Variants in ZAP70 observed in about 807,000 individuals in gnomAD.
The protein encoded by ZAP70 is zeta chain of T cell receptor associated protein kinase 70, also known as tyrosine-protein kinase ZAP-70.
A neutral mutation model predicts 65.8 loss-of-function variants in ZAP70; 27 were observed. The observed-to-expected ratio is 0.41, with a 90% CI of 0.30 to 0.57. ZAP70 has a LOEUF of 0.57. ZAP70 is among the 20% of genes least tolerant of loss of function. The pLI, the probability that ZAP70 is intolerant of heterozygous loss-of-function variation, is 0.28. For missense variants in ZAP70, 696 were observed against 870.5 expected, an observed-to-expected ratio of 0.80 and a Z score of 2.52; for synonymous variants, 363 against 360.8, an observed-to-expected ratio of 1.01 and a Z score of -0.07.
the ZAP70 span, among the ~76,000 whole-genome samples, chr2:97,749,410 T>A: frequency 6.6e-6 from 1 of 152,106 alleles, no homozygotes; most frequent in East Asian, 1.9e-4. Flanking sequence ...AAAAGGACGT[T>A]TATAGAGCAG....
chr2:97,732,404 G>C (rs1677645570), intron 4 of ZAP70, among the ~76,000 whole-genome samples: 1 of 152,134 alleles, frequency 6.6e-6, no homozygotes, highest in Non-Finnish European at 1.5e-5. Flanking sequence ...GAAGGCTCTG[G>C]GTCTGTTGTA....
Position 97,731,815 on chromosome 2 carries a change from C to T in ZAP70, c.564-1068C>T, listed in dbSNP as rs1423950742. 3.9e-5 allele frequency among the ~76,000 whole-genome samples: 6 copies of T among 152,206 alleles called. No homozygotes were observed. Among genetic ancestry groups the T allele is most frequent in the East Asian group, 1.9e-4 (1 of 5,200 alleles). Reference sequence around the variant, plus strand: ...AATTTGCACCTTGGAGGGTGCAGCTCGCAGGCCATCACAAGGGCTCTTCTG... The same window carrying T: ...AATTTGCACCTTGGAGGGTGCAGCTTGCAGGCCATCACAAGGGCTCTTCTG... On this transcript the variant is annotated intron_variant, in intron 4 of 13. Transcript: ENST00000264972. The surrounding 1 kb of genome is among the most constrained non-coding windows in gnomAD (Gnocchi z 4.0).
the ZAP70 span, among the ~76,000 whole-genome samples, chr2:97,747,815 G>GT: frequency 0.07 from 3,801 of 54,392 alleles, 472 homozygotes; most frequent in African/African-American, 0.088. Flanking sequence ...CTGGCACGAG[G>GT]TTTTTTTTTT....
the ZAP70 span, among the ~76,000 whole-genome samples, chr2:97,753,221 T>C: frequency 1.3e-5 from 2 of 152,218 alleles, no homozygotes; most frequent in African/African-American, 4.8e-5. Flanking sequence ...AAAAAACTCA[T>C]GGGCAGCAGG....
At chr2:97,748,966 GT>G in the ZAP70 span, among the ~76,000 whole-genome samples, 3 of 148,430 alleles carry the variant, frequency 2.0e-5, no homozygotes, top group Non-Finnish European at 4.5e-5. Context: ...GAGTGCGTTT[GT>G]AGAGGGAGTA....
At chr2:97,747,359 T>C in the ZAP70 span, among the ~76,000 whole-genome samples, 1 of 152,318 alleles carries the variant, frequency 6.6e-6, no homozygotes, top group East Asian at 1.9e-4. Context: ...GGTATATACA[T>C]ACACGGAAGC....
At chr2:97,733,620 G>C (rs201824457) in intron 8 of ZAP70, 25 bp downstream of exon 8, 11 of 1,613,336 alleles carry the variant, frequency 6.8e-6, no homozygotes, top group Non-Finnish European at 8.5e-6. Context: ...GTGGGGACGC[G>C]GGTTGGGGCT....
rs902288190 is a variant in ZAP70 at position 97,731,872 on chromosome 2, G to A, written c.564-1011G>A. Among the ~76,000 whole-genome samples the A allele has an allele frequency of 2.0e-5, 3 of 152,080 alleles. No individual in the cohort carries two copies. Among genetic ancestry groups the A allele is most frequent in the Non-Finnish European group, 1.5e-5 (1 of 68,020 alleles). ...AGTGCAATCCCTGAGATCAGGAGTC[G>A]GCTGCTTCCGGCCTCCACAGCTTCC... On this transcript the variant is annotated intron_variant, in intron 4 of 13. Coordinates refer to ENST00000264972, the MANE Select transcript of ZAP70 (RefSeq NM_001079.4). The surrounding 1 kb of genome is among the most constrained non-coding windows in gnomAD (Gnocchi z 4.0).
chr2:97,751,795 C>T, the ZAP70 span, among the ~76,000 whole-genome samples: 1 of 152,168 alleles, frequency 6.6e-6, no homozygotes, highest in Non-Finnish European at 1.5e-5. Context: ...GCAGACCACA[C>T]GGTGAGAAAG....
At chr2:97,730,822 G>A (rs572719833) in intron 4 of ZAP70, among the ~76,000 whole-genome samples, 5 of 152,236 alleles carry the variant, frequency 3.3e-5, no homozygotes, top group South Asian at 4.2e-4. Flanking sequence ...TTGGGAGGCC[G>A]AGGCAGGTGG....
intron 2 of ZAP70, among the ~76,000 whole-genome samples, chr2:97,716,223 A>G (rs1676908171): frequency 6.6e-6 from 1 of 152,120 alleles, no homozygotes; most frequent in Non-Finnish European, 1.5e-5. Flanking sequence ...CCTCCACCCA[A>G]GGAAGCCCCT....
intron 2 of ZAP70, among the ~76,000 whole-genome samples, chr2:97,719,494 A>C (rs1042870595): frequency 6.7e-6 from 1 of 148,620 alleles, no homozygotes; most frequent in Non-Finnish European, 1.5e-5. Context: ...AGGAGGTCAC[A>C]GAGTGCTTGT....
At chr2:97,755,736 T>TGTC in the ZAP70 span, among the ~76,000 whole-genome samples, 3 of 152,220 alleles carry the variant, frequency 2.0e-5, no homozygotes, top group Admixed American at 6.5e-5. Flanking sequence ...GTGCCCCTGC[T>TGTC]GTCTTCCCTC....
chr2:97,735,473 C>A lies in ZAP70; in HGVS notation c.1289+17C>A, dbSNP rs200277370. The A allele has an allele frequency of 6.2e-7, 1 of 1,601,514 alleles. No individual in the cohort carries two copies. The highest frequency in any genetic ancestry group is 8.5e-7 in the Non-Finnish European group (1 of 1,172,242). On this transcript the variant is annotated intron_variant, in intron 10 of 13. Coordinates refer to ENST00000264972, the MANE Select transcript of ZAP70 (RefSeq NM_001079.4). ...CGGCAAGAGGTGAGCACCGGGTGGG[C>A]CCGGCCATCGGGTGGGTGGGGCCGG...
intron 2 of ZAP70, among the ~76,000 whole-genome samples, chr2:97,719,841 G>A (rs748746133): frequency 3.3e-5 from 5 of 152,008 alleles, no homozygotes; most frequent in African/African-American, 7.3e-5. Flanking sequence ...CCCAAATTCC[G>A]TCCTGCCCTC....
downstream of ZAP70, among the ~76,000 whole-genome samples, chr2:97,741,916 A>G (rs1288548589): frequency 1.3e-5 from 2 of 152,226 alleles, no homozygotes; most frequent in Non-Finnish European, 2.9e-5. Flanking sequence ...AGGTCCAGAG[A>G]AGCTCCTGAG....
rs1343332131 is a variant in ZAP70 at position 97,739,486 on chromosome 2, T to G, written c.1848T>G (p.Ala616=). 1.2e-6 allele frequency: 2 copies of G among 1,612,784 alleles called. No homozygotes were observed. The highest frequency in any genetic ancestry group is 4.5e-5 in the East Asian group (2 of 44,864). ...CAGGCAGCACACAGAAGGCTGAGGC[T>G]GCCTGTGCCTGAGCTCCCGCTGCCC... ...GPPGSTQKAE[A]ACA Residue 616 remains alanine, a synonymous_variant, in exon 14 of 14, where the codon GCT becomes GCG. Coordinates refer to ENST00000264972, the MANE Select transcript of ZAP70 (RefSeq NM_001079.4).
intron 2 of ZAP70, among the ~76,000 whole-genome samples, chr2:97,722,152 C>G (rs1424621186): frequency 6.6e-6 from 1 of 152,040 alleles, no homozygotes; most frequent in Non-Finnish European, 1.5e-5. Flanking sequence ...CTGATCTCGG[C>G]TCAATGGAAT....
chr2:97,720,167 T>C (rs1410179867), intron 2 of ZAP70, among the ~76,000 whole-genome samples: 2 of 152,202 alleles, frequency 1.3e-5, no homozygotes, highest in African/African-American at 4.8e-5. Flanking sequence ...TTTGTGTGAA[T>C]GTAAATTTCC....
Sources: allele counts gnomAD v4.1 joint callset (sites outside exome capture counted in the v4.1 genomes callset), GRCh38; gene constraint gnomAD v4.1.1; non-coding constraint Gnocchi (gnomAD v3.1); transcripts MANE v1.5; gene names NCBI Gene and HGNC (gene_info 2026-07-23, HGNC 2026-07-21).